MYO9A: variants seen among roughly 807,000 people sequenced by gnomAD.
The protein encoded by MYO9A is unconventional myosin-IXa.
In MYO9A, 103 loss-of-function variants were observed where a neutral mutation model predicts 293.3. That is an observed-to-expected ratio of 0.35 (90% CI 0.30 to 0.41). The LOEUF is 0.41. Ranked by LOEUF, MYO9A falls within the 10% of genes least tolerant of loss-of-function variation. The probability of loss-of-function intolerance (pLI) is 1.00; values close to 1 mark genes in which losing one functional copy is unlikely to be tolerated. For missense variants in MYO9A, 2,685 were observed against 3,033.0 expected, an observed-to-expected ratio of 0.89 and a Z score of 2.69; for synonymous variants, 1,001 against 1,035.7, an observed-to-expected ratio of 0.97 and a Z score of 0.64.
At chr15:72,026,289 AAAAAAAAG>A (rs1488912695) in intron 4 of MYO9A, among the ~76,000 whole-genome samples, 106 of 145,636 alleles carry the variant, frequency 7.3e-4, no homozygotes, top group African/African-American at 1.2e-3. Context: ...AAAAAAAAAA[AAAAAAAAG>A]AAAGAAAAGA....
chr15:71,864,099 A>G (rs897190724), intron 32 of MYO9A, among the ~76,000 whole-genome samples: 4 of 152,210 alleles, frequency 2.6e-5, no homozygotes, highest in Non-Finnish European at 5.9e-5. Flanking sequence ...TCATTATATT[A>G]GAATGTTATG....
At chr15:71,960,122 C>T (rs982163292) in intron 13 of MYO9A, 26 bp from the exon 14 acceptor site, 17 of 1,601,986 alleles carry the variant, frequency 1.1e-5, no homozygotes, top group South Asian at 2.2e-5. Flanking sequence ...ACCAGTGTTA[C>T]TTATGGGAAA....
At chr15:71,838,983 C>T (rs886419097) in intron 39 of MYO9A, among the ~76,000 whole-genome samples, 1 of 152,108 alleles carries the variant, frequency 6.6e-6, no homozygotes, top group African/African-American at 2.4e-5. Flanking sequence ...GATACTGGGA[C>T]CCCTGACTTA....
At chr15:72,076,063 C>T (rs1432636702) in intron 1 of MYO9A, among the ~76,000 whole-genome samples, 3 of 151,716 alleles carry the variant, frequency 2.0e-5, no homozygotes, top group Non-Finnish European at 2.9e-5. Flanking sequence ...CAGCACTTTG[C>T]GAGGCTAAGG....
At chr15:71,853,918 T>G (rs1051333108) in intron 35 of MYO9A, among the ~76,000 whole-genome samples, 1 of 152,232 alleles carries the variant, frequency 6.6e-6, no homozygotes, top group Non-Finnish European at 1.5e-5. Context: ...ATTTGGTCAC[T>G]TATTGGCGAT....
chr15:71,900,112 GC>G (rs2057442416), intron 23 of MYO9A, 106 bp from the exon 24 acceptor site: 11 of 1,124,468 alleles, frequency 9.8e-6, no homozygotes, highest in Non-Finnish European at 1.3e-5. Context: ...AGGTTAAGTG[GC>G]TATGCAGCTA....
rs1267908236 is a variant in MYO9A, at chr15:71,862,585, A to G, written c.6006T>C (p.Phe2002=). The G allele has an allele frequency of 1.9e-6, 3 of 1,612,636 alleles. No individual in the cohort carries two copies. Among genetic ancestry groups the G allele is most frequent in the African/African-American group, 2.7e-5 (2 of 75,016 alleles). The change falls in exon 33 of 42, where the codon TTT becomes TTC. Residue 2002 remains phenylalanine (F), a synonymous_variant. Coordinates refer to ENST00000356056, the MANE Select transcript of MYO9A (RefSeq NM_006901.4). ...TAGGGATGCTATATTGGGTGGCTTT[A>G]AAGATGTGACCATTGTGTTCTTCCA... ...DLVEEHNGHI[F]KATQYSIPTY...
At chr15:71,885,689 G>A (rs1273901871) in intron 27 of MYO9A, among the ~76,000 whole-genome samples, 1 of 152,016 alleles carries the variant, frequency 6.6e-6, no homozygotes, top group Non-Finnish European at 1.5e-5. Flanking sequence ...CACTATGTTG[G>A]GCACTCAGTG....
chr15:72,022,408 TA>T, intron 4 of MYO9A, among the ~76,000 whole-genome samples: 1 of 151,736 alleles, frequency 6.6e-6, no homozygotes, highest in East Asian at 2.0e-4. Flanking sequence ...TAGTCCCAGC[TA>T]CTCTGGGAGG....
At chr15:72,017,215 T>C (rs2077371321) in intron 6 of MYO9A, among the ~76,000 whole-genome samples, 1 of 151,956 alleles carries the variant, frequency 6.6e-6, no homozygotes, top group African/African-American at 2.4e-5. Context: ...GGTATTGCCT[T>C]GTTGCTCAAG....
intron 1 of MYO9A, among the ~76,000 whole-genome samples, chr15:72,099,589 G>A (rs551021746): frequency 2.0e-4 from 30 of 151,788 alleles, no homozygotes; most frequent in African/African-American, 7.0e-4. Context: ...GCAACAGCGA[G>A]ACCTTGTCTC....
At chr15:71,966,265 A>AGTGT (rs377708464) in intron 13 of MYO9A, among the ~76,000 whole-genome samples, 23,682 of 134,700 alleles carry the variant, frequency 0.18, 2,246 homozygotes, top group Non-Finnish European at 0.2. Flanking sequence ...ATCCCAGGCA[A>AGTGT]GTGTGTGTGT....
rs28450008 is a variant in MYO9A, at chr15:72,015,890, G to A, written c.1155+3149C>T. 4.2e-3 allele frequency among the ~76,000 whole-genome samples: 636 copies of A among 151,714 alleles called. 7 individuals are homozygous for A. The highest frequency in any genetic ancestry group is 0.015 in the African/African-American group (601 of 41,366). On this transcript the variant is annotated intron_variant, in intron 6 of 41. Transcript: ENST00000356056. ...TTTTTAGTAGAGACGGGGTTTCACC[G>A]TGTTAGCCAGGATGGTCTCAATCTC... is the stretch of plus-strand genomic sequence containing the variant.
At chr15:71,889,148 G>A (rs1406040289) in intron 26 of MYO9A, among the ~76,000 whole-genome samples, 1 of 152,034 alleles carries the variant, frequency 6.6e-6, no homozygotes, top group East Asian at 1.9e-4. Context: ...AGAGGAGTGA[G>A]AAGCACAAAG....
At chr15:71,917,770 A>G (rs1389919965) in intron 18 of MYO9A, among the ~76,000 whole-genome samples, 1 of 152,224 alleles carries the variant, frequency 6.6e-6, no homozygotes, top group East Asian at 1.9e-4. Context: ...ACTATATGTT[A>G]TTTAAAAAGT....
At chr15:72,107,799 A>AG (rs2080625906) in intron 1 of MYO9A, among the ~76,000 whole-genome samples, 1 of 3,446 alleles carries the variant, frequency 2.9e-4, no homozygotes, top group African/African-American at 3.1e-4. Context: ...TTTGAGCATC[A>AG]AAAAAAAAAA....
chr15:72,099,594 T>C (rs2080196969), intron 1 of MYO9A, among the ~76,000 whole-genome samples: 1 of 149,998 alleles, frequency 6.7e-6, no homozygotes, highest in Non-Finnish European at 1.5e-5. Flanking sequence ...AGCGAGACCT[T>C]GTCTCAAAAA....
At chr15:71,967,246 T>A in intron 13 of MYO9A, among the ~76,000 whole-genome samples, 1 of 152,180 alleles carries the variant, frequency 6.6e-6, no homozygotes, top group East Asian at 1.9e-4. Flanking sequence ...ACACACAATA[T>A]GTATATATGC....
intron 27 of MYO9A, among the ~76,000 whole-genome samples, chr15:71,885,720 T>C (rs952139457): frequency 3.9e-5 from 6 of 152,132 alleles, no homozygotes; most frequent in Non-Finnish European, 7.4e-5. Flanking sequence ...ATCTGGAAAA[T>C]CGTGTCCTTC....
Sources: allele counts gnomAD v4.1 joint callset (sites outside exome capture counted in the v4.1 genomes callset), GRCh38; gene constraint gnomAD v4.1.1; transcripts MANE v1.5; gene names NCBI Gene and HGNC (gene_info 2026-07-23, HGNC 2026-07-21).